The following C1QTNF6 variants were observed in gnomAD, a reference collection of about 807,000 sequenced individuals.
The protein encoded by C1QTNF6 is C1q and TNF related 6, also known as complement C1q tumor necrosis factor-related protein 6.
Under a neutral mutation model 20.7 loss-of-function variants are expected in C1QTNF6, and 17 were observed. The ratio of observed to expected loss-of-function variants is 0.82; its 90% confidence interval spans 0.56 to 1.23. The LOEUF (loss-of-function observed/expected upper bound fraction) is 1.23. Ranked by LOEUF, C1QTNF6 falls within the 50% of genes most tolerant of loss-of-function variation. The pLI is 0.00. For missense variants in C1QTNF6, 329 were observed against 389.7 expected, an observed-to-expected ratio of 0.84 and a Z score of 1.31; for synonymous variants, 130 against 156.3, an observed-to-expected ratio of 0.83 and a Z score of 1.25.
At chr22:37,196,994 G>A (rs1925174008) in intron 1 of C1QTNF6, 2 of 152,248 alleles carry the variant, frequency 1.3e-5, no homozygotes, top group Admixed American at 1.3e-4. Flanking sequence ...GACCAGCAGG[G>A]ACACTGTGGC....
At chr22:37,194,911 C>CG (rs1555903133) in intron 2 of C1QTNF6, among the ~76,000 whole-genome samples, 3 of 152,252 alleles carry the variant, frequency 2.0e-5, no homozygotes, top group East Asian at 1.9e-4. Flanking sequence ...CATTGCCTGC[C>CG]GGGGGGTGGA....
chr22:37,182,399 A>G lies in C1QTNF6; in HGVS notation c.626T>C (p.Ile209Thr). Residue 209 changes from isoleucine to threonine, a missense_variant, in exon 3 of 3, where the codon ATT becomes ACT. Coordinates refer to ENST00000337843, the MANE Select transcript of C1QTNF6 (RefSeq NM_031910.4). ...SWNYKETYVHIMHNQKEAVIL... is the reference protein window; with the variant it reads ...SWNYKETYVHTMHNQKEAVIL... ...GACAGCCTCTTTCTGGTTATGCATA[A>G]TGTGCACGTACGTCTCCTTGTAATT... 1 of 1,614,226 alleles carries G rather than the reference A, an allele frequency of 6.2e-7. No homozygotes were observed. The highest frequency in any genetic ancestry group is 8.5e-7 in the Non-Finnish European group (1 of 1,180,030).
upstream of C1QTNF6, among the ~76,000 whole-genome samples, chr22:37,192,541 G>A (rs1278288644): frequency 6.6e-6 from 1 of 152,170 alleles, no homozygotes; most frequent in African/African-American, 2.4e-5. Context: ...TGACCTTGAG[G>A]CATTTAGCAA....
rs1924239979 is a variant in C1QTNF6 at position 37,185,467 on chromosome 22, A to G, written c.52-12T>C. 1 of 1,588,172 alleles carries G rather than the reference A, an allele frequency of 6.3e-7. No individual in the cohort carries two copies. Among genetic ancestry groups the G allele is most frequent in the Admixed American group, 1.7e-5 (1 of 57,984 alleles). On this transcript the variant is annotated splice_polypyrimidine_tract_variant and intron_variant, in intron 1 of 2. Transcript: ENST00000337843. ...GTCCCCATGGTGACCTGGAACAAGG[A>G]AGGAGGGACAGGAACTATACTTCAC...
upstream of C1QTNF6, among the ~76,000 whole-genome samples, chr22:37,189,123 A>C (rs1364839723): frequency 6.6e-6 from 1 of 152,192 alleles, no homozygotes; most frequent in African/African-American, 2.4e-5. Flanking sequence ...CCTTTTAGAC[A>C]ATATAGGGTA....
In C1QTNF6 at chr22:37,184,832, CCT is replaced by C. The variant is rs945045939; in HGVS notation, c.289+384_289+385del. 2.0e-4 allele frequency among the ~76,000 whole-genome samples: 30 copies of C among 152,322 alleles called. No homozygotes were observed. Among genetic ancestry groups the C allele is most frequent in the African/African-American group, 6.5e-4 (27 of 41,568 alleles). On this transcript the variant is annotated intron_variant, in intron 2 of 2. Coordinates refer to ENST00000337843, the MANE Select transcript of C1QTNF6 (RefSeq NM_031910.4). This position sits in a 1 kb window ranked among gnomAD's most constrained non-coding sequence, Gnocchi z 4.0. ...CCTTTGCCAGGAGGCTCCTCCACCA[CCT>C]CTTAGAAGCCTGTGCTCCATGGGTC...
At chr22:37,188,307 G>A (rs1924558238), upstream of C1QTNF6, 1 of 1,205,514 alleles carries the variant, frequency 8.3e-7, no homozygotes, top group Non-Finnish European at 1.1e-6. Flanking sequence ...AGGGGATGGA[G>A]GGAGAGAGGG....
intron 1 of C1QTNF6, among the ~76,000 whole-genome samples, chr22:37,187,917 CGGTCCAGGCA>C (rs1569067738): frequency 6.6e-5 from 10 of 152,066 alleles, no homozygotes. Context: ...CAACTTTTCT[CGGTCCAGGCA>C]GGCCGTGCAG....
Position 37,182,149 on chromosome 22 carries a change from C to A in C1QTNF6, c.*39G>T. The A allele has an allele frequency of 6.3e-7, 1 of 1,576,054 alleles. No homozygotes were observed. On this transcript the variant is annotated 3_prime_UTR_variant, in exon 3 of 3. Coordinates refer to ENST00000337843, the MANE Select transcript of C1QTNF6 (RefSeq NM_031910.4). ...TGAGCCCTGCAGGGGACGGGACCAG[C>A]ACCTGAGCTCTCCAGCCGGGAGGGT... is the stretch of plus-strand genomic sequence containing the variant.
chr22:37,194,022 T>C (rs1359222130), intron 2 of C1QTNF6, among the ~76,000 whole-genome samples: 1 of 152,220 alleles, frequency 6.6e-6, no homozygotes, highest in African/African-American at 2.4e-5. Flanking sequence ...GGCTTTTAAC[T>C]GCTCAGGACA....
rs372219188 is a variant in C1QTNF6, at chr22:37,183,365, C to T, written c.290-630G>A. The stretch of plus-strand genomic sequence containing the variant: ...CAACAAAATGTCCTGTGGGAAAGCA[C>T]TTTGCAAACTCTGCAACTAAGAGGC... On this transcript the variant is annotated intron_variant, in intron 2 of 2. Transcript: ENST00000337843. 9.2e-5 allele frequency among the ~76,000 whole-genome samples: 14 copies of T among 152,346 alleles called. No homozygotes were observed. The South Asian group carries it at 1.7e-3, about 18-fold the overall frequency.
chr22:37,182,966 G>A, intron 2 of C1QTNF6: 8 of 1,387,628 alleles, frequency 5.8e-6, no homozygotes, highest in Non-Finnish European at 7.5e-6. Flanking sequence ...GGGCCACACA[G>A]TGCAGGAGCA....
intron 2 of C1QTNF6, 177 bp from the exon 3 acceptor site, chr22:37,182,912 T>A (rs1923931563): frequency 7.0e-7 from 1 of 1,433,448 alleles, no homozygotes; most frequent in African/African-American, 1.4e-5. Context: ...AAAGAAAACA[T>A]CATGACCGTC....
chr22:37,188,415 G>A (rs1924573395), upstream of C1QTNF6: 2 of 483,382 alleles, frequency 4.1e-6, no homozygotes, highest in Admixed American at 4.0e-5. Context: ...GATAAAGGGA[G>A]GCAGGGATTT....
Position 37,188,150 on chromosome 22 carries a change from T to C in C1QTNF6, c.51+13A>G, listed in dbSNP as rs112112832. On this transcript the variant is annotated intron_variant, in intron 1 of 2. Transcript: ENST00000337843. ...CCCCAGCCCCCAAGCTTGAGGAGCC[T>C]CTGGTCACTCACCCTGTGTCCTGTG... 6.2e-7 allele frequency: 1 copy of C among 1,604,334 alleles called. No individual in the cohort carries two copies. The highest frequency in any genetic ancestry group is 8.5e-7 in the Non-Finnish European group (1 of 1,175,070).
chr22:37,193,858 T>C (rs1454400791), intron 2 of C1QTNF6, among the ~76,000 whole-genome samples: 1 of 152,166 alleles, frequency 6.6e-6, no homozygotes, highest in African/African-American at 2.4e-5. Flanking sequence ...GTCACATAGA[T>C]ATTAAACCAG....
upstream of C1QTNF6, chr22:37,191,540 T>C (rs886827974): frequency 1.3e-5 from 2 of 152,172 alleles, no homozygotes; most frequent in Non-Finnish European, 2.9e-5. Flanking sequence ...AATTTGATTT[T>C]GGAAAGTTTG....
intron 1 of C1QTNF6, among the ~76,000 whole-genome samples, chr22:37,187,789 G>T (rs5756541): frequency 2.0e-5 from 3 of 152,156 alleles, no homozygotes; most frequent in African/African-American, 7.2e-5. Flanking sequence ...CCAGGATCAC[G>T]AACTAGCTCT....
intron 1 of C1QTNF6, among the ~76,000 whole-genome samples, chr22:37,186,280 C>G (rs1924333122): frequency 6.6e-6 from 1 of 152,208 alleles, no homozygotes; most frequent in Non-Finnish European, 1.5e-5. Flanking sequence ...GTTGGAGGGA[C>G]GTGATGCTGA....
Sources: gnomAD v4.1 joint callset for allele counts (sites outside exome capture counted in the v4.1 genomes callset) on GRCh38, gnomAD v4.1.1 for gene constraint, Gnocchi (gnomAD v3.1) non-coding constraint, MANE v1.5 for transcripts, NCBI Gene and HGNC (gene_info 2026-07-23, HGNC 2026-07-21) for gene names.